The following UNC5D variants were observed in gnomAD, a reference collection of about 807,000 sequenced individuals.
UNC5D encodes unc-5 netrin receptor D, also known as netrin receptor UNC5D.
A neutral mutation model predicts 105.4 loss-of-function variants in UNC5D; 39 were observed. The observed-to-expected ratio is 0.37, with a 90% CI of 0.29 to 0.48. UNC5D has a LOEUF of 0.48. UNC5D is among the 20% of genes least tolerant of loss of function. The pLI is 0.98. For missense variants in UNC5D, 991 were observed against 1,202.4 expected, an observed-to-expected ratio of 0.82 and a Z score of 2.60; for synonymous variants, 452 against 450.4, an observed-to-expected ratio of 1.00 and a Z score of -0.04.
rs1408486939 is a variant in UNC5D, at chr8:35,419,457, G to A, written c.104-129835G>A. Among the ~76,000 whole-genome samples, 3 of 152,204 alleles carry A rather than the reference G, an allele frequency of 2.0e-5. 1 individual carries two copies. Among genetic ancestry groups the A allele is most frequent in the Non-Finnish European group, 1.5e-5 (1 of 68,024 alleles). ...GCTGTGACTGTCTTCCACCCTGGGT[G>A]CCAGCATCTGGATGAGGGGGACATG... is the stretch of plus-strand genomic sequence containing the variant. On this transcript the variant is annotated intron_variant, in intron 1 of 16. Coordinates refer to ENST00000404895, the MANE Select transcript of UNC5D (RefSeq NM_080872.4).
chr8:35,453,495 G>A (rs1450371946), intron 1 of UNC5D, among the ~76,000 whole-genome samples: 1 of 152,148 alleles, frequency 6.6e-6, no homozygotes, highest in Non-Finnish European at 1.5e-5. Context: ...AGGTAGTAGG[G>A]CTACATTGAC....
At chr8:35,625,613 A>G (rs905884678) in intron 4 of UNC5D, among the ~76,000 whole-genome samples, 6 of 152,194 alleles carry the variant, frequency 3.9e-5, no homozygotes, top group Admixed American at 3.3e-4. Flanking sequence ...TGAAGAAAAA[A>G]AGGGGATGGT....
At chr8:35,358,262 G>A (rs1337037513) in intron 1 of UNC5D, among the ~76,000 whole-genome samples, 2 of 152,090 alleles carry the variant, frequency 1.3e-5, no homozygotes, top group East Asian at 1.9e-4. Flanking sequence ...GCCCATCAAC[G>A]ATAGACTGGA....
chr8:35,746,278 G>T (rs947316390), intron 11 of UNC5D, among the ~76,000 whole-genome samples: 3 of 152,148 alleles, frequency 2.0e-5, no homozygotes, highest in Admixed American at 6.6e-5. Context: ...CTCTATAGGT[G>T]TGCGAAGAGC....
At chr8:35,607,761 G>A (rs1049582444) in intron 4 of UNC5D, among the ~76,000 whole-genome samples, 4 of 152,154 alleles carry the variant, frequency 2.6e-5, no homozygotes. Flanking sequence ...GTCTTGTGAA[G>A]AGGTACCTTG....
intron 1 of UNC5D, among the ~76,000 whole-genome samples, chr8:35,275,560 G>T (rs1278035350): frequency 6.6e-6 from 1 of 152,144 alleles, no homozygotes; most frequent in African/African-American, 2.4e-5. Flanking sequence ...TCAGCTCCAT[G>T]AAGTTATGCT....
intron 7 of UNC5D, among the ~76,000 whole-genome samples, chr8:35,692,516 T>A (rs1826477803): frequency 6.6e-6 from 1 of 152,228 alleles, no homozygotes; most frequent in Non-Finnish European, 1.5e-5. Context: ...ATGGAATACT[T>A]CTTTTGTTTA....
At chr8:35,476,128 G>A (rs1810079086) in intron 1 of UNC5D, among the ~76,000 whole-genome samples, 1 of 152,122 alleles carries the variant, frequency 6.6e-6, no homozygotes, top group Admixed American at 6.5e-5. Flanking sequence ...ATTCTCTTTG[G>A]CTCAGGATTG....
intron 11 of UNC5D, among the ~76,000 whole-genome samples, chr8:35,739,351 A>G (rs1829635030): frequency 6.6e-6 from 1 of 152,090 alleles, no homozygotes; most frequent in Non-Finnish European, 1.5e-5. Flanking sequence ...AGAGGAACAA[A>G]TTTTTTAAAA....
intron 1 of UNC5D, among the ~76,000 whole-genome samples, chr8:35,236,950 A>G (rs1282149136): frequency 6.6e-6 from 1 of 151,932 alleles, no homozygotes; most frequent in Non-Finnish European, 1.5e-5. Context: ...TGACCACTTC[A>G]CCTGCTCTGT....
intron 11 of UNC5D, among the ~76,000 whole-genome samples, chr8:35,745,805 T>C (rs1476311049): frequency 1.3e-5 from 2 of 152,234 alleles, no homozygotes; most frequent in African/African-American, 4.8e-5. Context: ...AGGTGGTTCA[T>C]ATTTTTATCC....
At chr8:35,728,230 G>T (rs986578655) in intron 10 of UNC5D, among the ~76,000 whole-genome samples, 1 of 151,806 alleles carries the variant, frequency 6.6e-6, no homozygotes, top group African/African-American at 2.4e-5. Context: ...TTGATAAACT[G>T]CCCATTACTC....
intron 1 of UNC5D, among the ~76,000 whole-genome samples, chr8:35,335,734 T>C (rs960933387): frequency 1.3e-5 from 2 of 148,808 alleles, no homozygotes; most frequent in Non-Finnish European, 3.0e-5. Flanking sequence ...TTTGAAAGGA[T>C]AGAATGAAAT....
At chr8:35,770,036 G>A (rs554388585) in intron 15 of UNC5D, among the ~76,000 whole-genome samples, 2 of 151,980 alleles carry the variant, frequency 1.3e-5, no homozygotes, top group Admixed American at 6.5e-5. Flanking sequence ...AAGTGAAGAC[G>A]CAAAAAGTGC....
chr8:35,457,990 A>G (rs1585888404), intron 1 of UNC5D, among the ~76,000 whole-genome samples: 2 of 152,204 alleles, frequency 1.3e-5, no homozygotes, highest in Admixed American at 6.5e-5. Context: ...GAGGTAAAGC[A>G]TGTAACATCC....
chr8:35,378,894 C>T (rs574665021), intron 1 of UNC5D, among the ~76,000 whole-genome samples: 3 of 152,262 alleles, frequency 2.0e-5, no homozygotes, highest in African/African-American at 4.8e-5. Flanking sequence ...ATTGCCTTCT[C>T]ACTGTGTTTC....
intron 1 of UNC5D, among the ~76,000 whole-genome samples, chr8:35,366,378 C>G (rs1291314338): frequency 6.6e-6 from 1 of 152,074 alleles, no homozygotes; most frequent in Admixed American, 6.6e-5. Flanking sequence ...GCCCTCCACT[C>G]CAAACATAAG....
At chr8:35,670,528 AT>A (rs1824716260) in intron 4 of UNC5D, among the ~76,000 whole-genome samples, 1 of 152,210 alleles carries the variant, frequency 6.6e-6, no homozygotes, top group Non-Finnish European at 1.5e-5. Context: ...CCATGCAGCC[AT>A]AAAAAGAAAT....
At chr8:35,629,218 ATTGTTC>A (rs1821879922) in intron 4 of UNC5D, among the ~76,000 whole-genome samples, 1 of 152,116 alleles carries the variant, frequency 6.6e-6, no homozygotes, top group African/African-American at 2.4e-5. Context: ...TACATTTTAA[ATTGTTC>A]ATAATATCCA....
Sources: gnomAD v4.1 joint callset for allele counts (sites outside exome capture counted in the v4.1 genomes callset) on GRCh38, gnomAD v4.1.1 for gene constraint, MANE v1.5 for transcripts, NCBI Gene and HGNC (gene_info 2026-07-23, HGNC 2026-07-21) for gene names.